KIF18A: variants seen among roughly 807,000 people sequenced by gnomAD.
KIF18A encodes kinesin-like protein KIF18A.
Under a neutral mutation model 103.3 loss-of-function variants are expected in KIF18A, and 67 were observed. That is an observed-to-expected ratio of 0.65 (90% CI 0.53 to 0.79). KIF18A has a LOEUF of 0.79. Ranked by LOEUF, KIF18A falls within the 30% of genes least tolerant of loss-of-function variation. The pLI is 0.00. For missense variants in KIF18A, 1,032 were observed against 1,062.5 expected (o/e 0.97, Z 0.40); for synonymous variants, 367 against 355.5 (o/e 1.03, Z -0.36).
At chr11:28,088,874 T>A (rs1165993921) in intron 5 of KIF18A, among the ~76,000 whole-genome samples, 153 bp from the exon 6 acceptor site, 1 of 152,190 alleles carries the variant, frequency 6.6e-6, no homozygotes, top group Non-Finnish European at 1.5e-5. Flanking sequence ...AAGAGCACTA[T>A]AAGTAATCAC....
intron 7 of KIF18A, 131 bp from the exon 8 acceptor site, chr11:28,083,374 T>A: frequency 2.0e-6 from 2 of 999,626 alleles, no homozygotes; most frequent in Non-Finnish European, 1.4e-6. Flanking sequence ...TGCTCACATT[T>A]AAAATCTATG....
In KIF18A at chr11:28,057,486, G is replaced by T. The variant is rs190028478; in HGVS notation, c.1948+1440C>A. ...GCAGAGATCGCGCCACTGCACTCCA[G>T]CCTGGGTGACAGAGCGAGACTCGGT... On this transcript the variant is annotated intron_variant, in intron 13 of 16. Transcript: ENST00000263181. Among the ~76,000 whole-genome samples the T allele has an allele frequency of 2.6e-5, 4 of 152,212 alleles. No homozygotes were observed. In the East Asian group the frequency reaches 7.7e-4, roughly 29 times the overall value.
intron 16 of KIF18A, 61 bp from the exon 17 acceptor site, chr11:28,021,343 C>A: frequency 8.5e-7 from 1 of 1,181,224 alleles, no homozygotes; most frequent in Non-Finnish European, 1.1e-6. Flanking sequence ...AAGTTTTCAT[C>A]GTTCAACTTA....
At chr11:28,076,019 AT>A (rs1001908168) in intron 10 of KIF18A, among the ~76,000 whole-genome samples, 12 of 149,812 alleles carry the variant, frequency 8.0e-5, no homozygotes, top group East Asian at 3.9e-4. Context: ...GTTGGCAAGA[AT>A]TTTTTTTTTC....
chr11:28,055,679 T>A (rs1850771532), intron 13 of KIF18A, among the ~76,000 whole-genome samples: 1 of 152,170 alleles, frequency 6.6e-6, no homozygotes, highest in African/African-American at 2.4e-5. Flanking sequence ...GATTCTGAAT[T>A]GCTAATGCTA....
intron 15 of KIF18A, among the ~76,000 whole-genome samples, chr11:28,032,437 TGGA>T (rs1194323367): frequency 6.6e-6 from 1 of 151,782 alleles, no homozygotes; most frequent in Non-Finnish European, 1.5e-5. Flanking sequence ...AGATCAAAAC[TGGA>T]GGAATCACAT....
At chr11:28,031,287 G>T (rs1442682586) in intron 15 of KIF18A, among the ~76,000 whole-genome samples, 1 of 152,118 alleles carries the variant, frequency 6.6e-6, no homozygotes, top group Admixed American at 6.6e-5. Flanking sequence ...CAATCCAAAT[G>T]TCCATCAATG....
rs149322873 is a variant in KIF18A, at chr11:28,097,884, T to C, written c.64A>G (p.Asn22Asp). 5 of 1,610,366 alleles carry C rather than the reference T, an allele frequency of 3.1e-6. No homozygotes were observed. Among genetic ancestry groups the C allele is most frequent in the Admixed American group, 3.4e-5 (2 of 59,422 alleles). ...AATCCAGCTGCTTTTTCTTTAGTGT[T>C]TTCCGGACGTACACGAACTACTACT... is the stretch of plus-strand genomic sequence containing the variant. ...MKVVVRVRPENTKEKAAGFHK... is the reference protein window; with the variant it reads ...MKVVVRVRPEDTKEKAAGFHK... Residue 22 changes from asparagine to aspartate, a missense_variant, in exon 2 of 17, where the codon AAC (asparagine) becomes GAC (aspartate). Physicochemically the swap from Asn to Asp is conservative, Grantham distance 23 (BLOSUM62 1). Coordinates refer to ENST00000263181, the MANE Select transcript of KIF18A (RefSeq NM_031217.4).
At chr11:28,035,270 G>T in intron 15 of KIF18A, 117 bp downstream of exon 15, 1 of 443,344 alleles carries the variant, frequency 2.3e-6, no homozygotes, top group Non-Finnish European at 3.9e-6. Flanking sequence ...TTTATCCTAA[G>T]TATGCTTAAA....
intron 15 of KIF18A, among the ~76,000 whole-genome samples, chr11:28,033,823 ATGTAT>A (rs1850443980): frequency 6.6e-6 from 1 of 151,648 alleles, no homozygotes; most frequent in South Asian, 2.1e-4. Context: ...GTCAACAATA[ATGTAT>A]TGTACATTTA....
intron 10 of KIF18A, among the ~76,000 whole-genome samples, chr11:28,076,010 T>C (rs1482571734): frequency 6.6e-6 from 1 of 151,968 alleles, no homozygotes; most frequent in Non-Finnish European, 1.5e-5. Context: ...ACAGTGATGG[T>C]TGGCAAGAAT....
rs770846692 is a variant in KIF18A at position 28,094,838 on chromosome 11, G to T, written c.326-38C>A. ...GAAAGGGATCAAAACTCTTTGTTAT[G>T]AAATATAACTCTATTATATCTACTA... is the stretch of plus-strand genomic sequence containing the variant. On this transcript the variant is annotated intron_variant, in intron 2 of 16. Coordinates refer to ENST00000263181, the MANE Select transcript of KIF18A (RefSeq NM_031217.4). 8.3e-6 allele frequency: 13 copies of T among 1,571,772 alleles called. No homozygotes were observed. The East Asian group carries it at 2.9e-4, about 35-fold the overall frequency.
rs199569994 is a variant in KIF18A at position 28,069,294 on chromosome 11, T to C, written c.1555A>G (p.Met519Val). Residue 519 changes from methionine to valine, a missense_variant, in exon 11 of 17, where the codon ATG (methionine) becomes GTG (valine). By Grantham distance (21) the Met-to-Val change is conservative. Transcript: ENST00000263181. Reference sequence around the variant, plus strand: ...TGACCGTTTTGACTTAAGAGTCCCATTTCTTTTTCGACACGATGGAGCCAA... The same window carrying C: ...TGACCGTTTTGACTTAAGAGTCCCACTTCTTTTTCGACACGATGGAGCCAA... ...TNWLHRVEKE[M>V]GLLSQNGHIP... 6 of 1,613,312 alleles carry C rather than the reference T, an allele frequency of 3.7e-6. No homozygotes were observed. Among genetic ancestry groups the C allele is most frequent in the East Asian group, 4.5e-5 (2 of 44,830 alleles).
intron 6 of KIF18A, among the ~76,000 whole-genome samples, chr11:28,088,234 C>T (rs749035717): frequency 1.3e-5 from 2 of 151,858 alleles, no homozygotes; most frequent in African/African-American, 2.4e-5. Context: ...CTTTAAAAAC[C>T]AAGTTCAAAA....
At chr11:28,100,048 A>T (rs1340978913) in intron 1 of KIF18A, among the ~76,000 whole-genome samples, 2 of 152,142 alleles carry the variant, frequency 1.3e-5, no homozygotes, top group African/African-American at 4.8e-5. Context: ...ACTGACAGGT[A>T]GATGTAGAGT....
At chr11:28,059,689 C>T (rs748720985) in intron 12 of KIF18A, among the ~76,000 whole-genome samples, 2 of 152,054 alleles carry the variant, frequency 1.3e-5, no homozygotes, top group Admixed American at 6.6e-5. Flanking sequence ...GCCTCCACCT[C>T]CCAAAGTGCT....
At chr11:28,097,432 A>T in intron 2 of KIF18A, 191 bp downstream of exon 2, 1 of 569,052 alleles carries the variant, frequency 1.8e-6, no homozygotes, top group Non-Finnish European at 3.1e-6. Flanking sequence ...TTTACAAATG[A>T]TGTATAAGTT....
intron 15 of KIF18A, among the ~76,000 whole-genome samples, chr11:28,026,204 G>T (rs1168097407): frequency 6.6e-6 from 1 of 151,778 alleles, no homozygotes; most frequent in East Asian, 1.9e-4. Context: ...AAACAAATCT[G>T]TTGGGTAGGT....
intron 12 of KIF18A, among the ~76,000 whole-genome samples, chr11:28,060,759 C>A (rs905795680): frequency 2.0e-5 from 3 of 152,190 alleles, no homozygotes; most frequent in African/African-American, 7.2e-5. Flanking sequence ...TGCTAAAACA[C>A]CTTCTCTCCT....
Sources: gnomAD v4.1 joint callset for allele counts (sites outside exome capture counted in the v4.1 genomes callset) on GRCh38, gnomAD v4.1.1 for gene constraint, MANE v1.5 for transcripts, NCBI Gene and HGNC (gene_info 2026-07-23, HGNC 2026-07-21) for gene names.